Variants in P2RX2 observed in about 807,000 individuals in gnomAD.
P2RX2 encodes purinergic receptor P2X 2, also known as P2X purinoceptor 2.
P2RX2 carries 50 observed loss-of-function variants against 54.8 expected under a neutral mutation model. That is an observed-to-expected ratio of 0.91 (90% CI 0.73 to 1.15). The LOEUF (loss-of-function observed/expected upper bound fraction) is 1.15, where lower values mean the gene tolerates loss of function less well. Ranked by LOEUF, P2RX2 falls within the 50% of genes most tolerant of loss-of-function variation. The pLI is 0.00. For missense variants in P2RX2, 658 were observed against 633.2 expected (o/e 1.04, Z -0.42); for synonymous variants, 289 against 259.4 (o/e 1.11, Z -1.09).
intron 1 of P2RX2, 93 bp from the exon 2 acceptor site, chr12:132,619,346 G>A (rs1175250335): frequency 2.1e-6 from 3 of 1,432,082 alleles, no homozygotes; most frequent in Non-Finnish European, 2.9e-6. Flanking sequence ...CCGCAGAGCG[G>A]ACCCGGGTCG....
intron 3 of P2RX2, 45 bp downstream of exon 3, chr12:132,619,795 G>C (rs775890349): frequency 1.2e-6 from 2 of 1,609,836 alleles, no homozygotes; most frequent in African/African-American, 1.3e-5. Context: ...TCAGCTAGGC[G>C]GGCCAGCTGT....
intron 7 of P2RX2, 124 bp downstream of exon 7, chr12:132,620,707 GAA>G (rs2041628209): frequency 9.0e-7 from 1 of 1,115,474 alleles, no homozygotes; most frequent in African/African-American, 1.6e-5. Context: ...CAGAGGAAAA[GAA>G]ATGCGATCAG....
rs1055452240 is a variant in P2RX2, at chr12:132,622,041, G to A, written c.*69G>A. ...CCAGAGAGTCCCCAGCTAGGGACCT[G>A]CACGTGGACGTGGGCACCTCAGTAG... On this transcript the variant is annotated 3_prime_UTR_variant, in exon 11 of 11. Coordinates refer to ENST00000643471, the MANE Select transcript of P2RX2 (RefSeq NM_170682.4). The A allele has an allele frequency of 3.7e-6, 6 of 1,600,424 alleles. No individual in the cohort carries two copies. The highest frequency in any genetic ancestry group is 5.1e-6 in the Non-Finnish European group (6 of 1,174,590).
Position 132,618,844 on chromosome 12 carries a change from GC to G in P2RX2, c.30del (p.Ala12ArgfsTer22). 7.4e-7 allele frequency: 1 copy of G among 1,347,768 alleles called. No individual in the cohort carries two copies. Among genetic ancestry groups the G allele is most frequent in the Non-Finnish European group, 9.6e-7 (1 of 1,043,150 alleles). 83.5% of individuals were successfully genotyped at this position (1,347,768 alleles called of 1,614,324 possible). A position where few individuals can be genotyped will look rare whatever the true frequency, so the allele number is the denominator to read the frequency against. On this transcript the variant is annotated frameshift_variant, in exon 1 of 11. Transcript: ENST00000643471. LOFTEE classifies it high-confidence loss of function. The part of the protein sequence containing the change: MAAAQPKYP[A>X]GATARRLARG... ...GGCCGCCGCCCAGCCCAAGTACCCC[GC>G]CGGGGCGACCGCCCGGCGCCTGGCC...
chr12:132,621,235 C>A lies in P2RX2; in HGVS notation c.906-20C>A. The A allele has an allele frequency of 6.2e-7, 1 of 1,613,870 alleles. No homozygotes were observed. The highest frequency in any genetic ancestry group is 1.1e-5 in the South Asian group (1 of 91,038). On this transcript the variant is annotated intron_variant, in intron 8 of 10. Transcript: ENST00000643471. ...CCCTGGAGTGCAGAGGACGAGTGGGCACTGGCGTTCCCATTGCAGGTTTGC... is the reference window on the plus strand; with the variant it reads ...CCCTGGAGTGCAGAGGACGAGTGGGAACTGGCGTTCCCATTGCAGGTTTGC...
In P2RX2 at chr12:132,622,082, A is replaced by G; in HGVS notation, c.*110A>G. ...ACCTCAGTAGCGGAGCATCTCCACG[A>G]AACGGGGCACCACAGGATCCCTGTG... On this transcript the variant is annotated 3_prime_UTR_variant, in exon 11 of 11. Transcript: ENST00000643471. 6.4e-7 allele frequency: 1 copy of G among 1,552,028 alleles called. No homozygotes were observed. Among genetic ancestry groups the G allele is most frequent in the Non-Finnish European group, 8.7e-7 (1 of 1,154,292 alleles).
rs770229910 is a variant in P2RX2 at position 132,620,454 on chromosome 12, C to T, written c.645C>T (p.Ile215=). The T allele has an allele frequency of 6.2e-7, 1 of 1,613,960 alleles. No individual in the cohort carries two copies. The highest frequency in any genetic ancestry group is 8.5e-7 in the Non-Finnish European group (1 of 1,180,020). The stretch of plus-strand genomic sequence containing the variant: ...CCTGCCGCCTCCTCAGGGGCAACAT[C>T]GCCGACCGCACAGACGGGTACCTGA... ...YPKFHFSKGN[I]ADRTDGYLKR... Residue 215 remains isoleucine (I), a synonymous_variant, in exon 7 of 11, where the codon ATC becomes ATT. Coordinates refer to ENST00000643471, the MANE Select transcript of P2RX2 (RefSeq NM_170682.4).
Position 132,619,919 on chromosome 12 carries a change from G to T in P2RX2, c.457G>T (p.Gly153Cys). 1 of 1,608,596 alleles carries T rather than the reference G, an allele frequency of 6.2e-7. No homozygotes were observed. The highest frequency in any genetic ancestry group is 8.5e-7 in the Non-Finnish European group (1 of 1,178,996). Residue 153 changes from glycine (G) to cysteine (C), a missense_variant and splice_region_variant, in exon 4 of 11, where the codon GGC (glycine) becomes TGC (cysteine). By Grantham distance (159) the Gly-to-Cys change is radical. Coordinates refer to ENST00000643471, the MANE Select transcript of P2RX2 (RefSeq NM_170682.4). ...TGGGGAGCTGGACATGCTGGGAAAC[G>T]GTCGGTGTGCGCCAGCTGGGGCTGG... ...VAGELDMLGN[G>C]LRTGRCVPYY...
intron 2 of P2RX2, 46 bp from the exon 3 acceptor site, chr12:132,619,633 G>T (rs1222751234): frequency 1.3e-6 from 2 of 1,584,860 alleles, no homozygotes; most frequent in Admixed American, 3.5e-5. Context: ...GGGCGGAGGG[G>T]GCAGCGGCTG....
rs1254233677 is a variant in P2RX2, at chr12:132,622,071, G to C, written c.*99G>C. On this transcript the variant is annotated 3_prime_UTR_variant, in exon 11 of 11. Transcript: ENST00000643471. Reference sequence around the variant, plus strand: ...TGGACGTGGGCACCTCAGTAGCGGAGCATCTCCACGAAACGGGGCACCACA... The same window carrying C: ...TGGACGTGGGCACCTCAGTAGCGGACCATCTCCACGAAACGGGGCACCACA... The C allele has an allele frequency of 1.3e-6, 2 of 1,566,570 alleles. No homozygotes were observed. Among genetic ancestry groups the C allele is most frequent in the East Asian group, 4.5e-5 (2 of 44,620 alleles).
At chr12:132,620,118 G>C (rs111705428) in intron 5 of P2RX2, 22 bp downstream of exon 5, 3 of 1,550,086 alleles carry the variant, frequency 1.9e-6, no homozygotes, top group Middle Eastern at 1.9e-4. Context: ...CCCCGGCCTG[G>C]GGCCCAGCCT....
Position 132,621,355 on chromosome 12 carries a change from C to T in P2RX2, c.996+10C>T, listed in dbSNP as rs1276153682. On this transcript the variant is annotated intron_variant, in intron 9 of 10. Transcript: ENST00000643471. ...CATTGTGCATGGACAGGTGCCTGCA[C>T]CTGCTGGGGGTGGGTGGCCAGCCCT... 3.7e-6 allele frequency: 6 copies of T among 1,613,766 alleles called. No individual in the cohort carries two copies. Among genetic ancestry groups the T allele is most frequent in the Non-Finnish European group, 5.1e-6 (6 of 1,179,950 alleles).
In P2RX2 at chr12:132,621,457, G is replaced by A. The variant is rs879120695; in HGVS notation, c.997-18G>A. ...AGACGCCGTCAGACATTCTGACCAC[G>A]ACCCCCATTCTCCCCAGGCCGGGAA... On this transcript the variant is annotated intron_variant, in intron 9 of 10. Coordinates refer to ENST00000643471, the MANE Select transcript of P2RX2 (RefSeq NM_170682.4). The A allele has an allele frequency of 5.7e-6, 9 of 1,571,758 alleles. No individual in the cohort carries two copies. The highest frequency in any genetic ancestry group is 2.3e-5 in the East Asian group (1 of 44,422).
intron 9 of P2RX2, 33 bp from the exon 10 acceptor site, chr12:132,621,442 A>C (rs377665585): frequency 5.1e-6 from 8 of 1,578,532 alleles, no homozygotes; most frequent in Non-Finnish European, 6.9e-6. Flanking sequence ...AGACGCCGTC[A>C]GACATTCTGA....
chr12:132,620,395 TG>T, intron 6 of P2RX2, 48 bp downstream of exon 6: 4 of 1,614,064 alleles, frequency 2.5e-6, no homozygotes, highest in Non-Finnish European at 3.4e-6. Flanking sequence ...GGCTGCCTTC[TG>T]GGAATGGGGT....
chr12:132,621,386 C>CCT lies in P2RX2; in HGVS notation c.996+42_996+43dup, dbSNP rs1398637430. ...GGGGGTGGGTGGCCAGCCCTGCTAG[C>CCT]CTGGGTCTGAGCTCCTCACGCCCCA... is the stretch of plus-strand genomic sequence containing the variant. On this transcript the variant is annotated intron_variant, in intron 9 of 10. Coordinates refer to ENST00000643471, the MANE Select transcript of P2RX2 (RefSeq NM_170682.4). 3.7e-6 allele frequency: 6 copies of CCT among 1,612,590 alleles called. No homozygotes were observed. In the South Asian group the frequency reaches 6.6e-5, roughly 18 times the overall value.
Position 132,621,646 on chromosome 12 carries a change from C to A in P2RX2, c.1090C>A (p.Leu364Ile). The change falls in exon 11 of 11, where the codon CTA (leucine) becomes ATA (isoleucine). Residue 364 changes from leucine to isoleucine, a missense_variant. Physicochemically the swap from Leu to Ile is conservative, Grantham distance 5. Transcript: ENST00000643471. ...VGSFLCDWILLTFMNKNKVYS... is the reference protein window; with the variant it reads ...VGSFLCDWILITFMNKNKVYS... The stretch of plus-strand genomic sequence containing the variant: ...CTCCTTCCTGTGCGACTGGATCTTG[C>A]TAACATTCATGAACAAAAACAAGGT... The A allele has an allele frequency of 6.2e-7, 1 of 1,613,684 alleles. No homozygotes were observed. Among genetic ancestry groups the A allele is most frequent in the Non-Finnish European group, 8.5e-7 (1 of 1,179,792 alleles).
chr12:132,618,999 G>A lies in P2RX2; in HGVS notation c.173+10G>A, dbSNP rs753188592. 2 of 207,054 alleles carry A rather than the reference G, an allele frequency of 9.7e-6. No homozygotes were observed. The highest frequency in any genetic ancestry group is 1.9e-4 in the South Asian group (1 of 5,232). The allele number at this position is 207,054 out of a possible 1,614,324, so 12.8% of individuals were successfully genotyped here. ...TGCTCTACTTCGTGTGGTGCGCGGGGCGCGGGGTGCGGGGCGCGGGGTGCG... is the reference window on the plus strand; with the variant it reads ...TGCTCTACTTCGTGTGGTGCGCGGGACGCGGGGTGCGGGGCGCGGGGTGCG... On this transcript the variant is annotated intron_variant, in intron 1 of 10. Transcript: ENST00000643471.
intron 8 of P2RX2, 29 bp downstream of exon 8, chr12:132,621,160 A>T (rs759085894): frequency 2.4e-5 from 38 of 1,613,900 alleles, no homozygotes; most frequent in Admixed American, 5.0e-5. Flanking sequence ...CGCTGTCCAC[A>T]CTGGCATAGC....
Sources: allele counts gnomAD v4.1 joint callset, GRCh38; gene constraint gnomAD v4.1.1; transcripts MANE v1.5; gene names NCBI Gene and HGNC (gene_info 2026-07-23, HGNC 2026-07-21).